The following MAGED1 variants were observed in gnomAD, a reference collection of about 807,000 sequenced individuals.
The protein encoded by MAGED1 is melanoma-associated antigen D1.
MAGED1 carries 3 observed loss-of-function variants against 54.1 expected under a neutral mutation model. The observed-to-expected ratio is 0.06, with a 90% CI of 0.03 to 0.14. The LOEUF (loss-of-function observed/expected upper bound fraction) is 0.14, where lower values mean the gene tolerates loss of function less well. Ranked by LOEUF, MAGED1 falls within the 10% of genes least tolerant of loss-of-function variation. MAGED1 has a pLI of 1.00. For synonymous variants in MAGED1, 217 were observed against 227.3 expected, an observed-to-expected ratio of 0.95 and a Z score of 0.41; for missense variants, 485 against 623.4, an observed-to-expected ratio of 0.78 and a Z score of 2.36.
intron 1 of MAGED1, among the ~76,000 whole-genome samples, chrX:51,865,896 G>T (rs1927444231): frequency 9.0e-6 from 1 of 111,025 alleles, no homozygotes; most frequent in Non-Finnish European, 1.9e-5. Context: ...AAAGTGTGTA[G>T]CACCTCCACC....
At chrX:51,846,697 A>G (rs1416002124) in intron 1 of MAGED1, among the ~76,000 whole-genome samples, 1 of 111,307 alleles carries the variant, frequency 9.0e-6, no homozygotes, top group African/African-American at 3.3e-5. Flanking sequence ...GGCATGTCTT[A>G]CGTGGCCGGA....
chrX:51,885,810 A>G (rs1928214590), intron 1 of MAGED1, among the ~76,000 whole-genome samples: 1 of 111,285 alleles, frequency 9.0e-6, no homozygotes, highest in Admixed American at 9.6e-5. Context: ...AATATATCAA[A>G]GAGATAACTG....
upstream of MAGED1, among the ~76,000 whole-genome samples, chrX:51,892,494 C>CTCAG (rs1557363588): frequency 8.9e-6 from 1 of 112,081 alleles, no homozygotes; most frequent in Admixed American, 9.4e-5. Flanking sequence ...ACCAGGAAGG[C>CTCAG]CTCAGGGACA....
chrX:51,868,776 G>A (rs1358846378), intron 1 of MAGED1, among the ~76,000 whole-genome samples: 2 of 111,209 alleles, frequency 1.8e-5, no homozygotes, highest in East Asian at 5.7e-4. Context: ...CAGGTGTAAT[G>A]TCATTATGGA....
chrX:51,894,969 C>T, intron 2 of MAGED1, 84 bp from the exon 3 acceptor site: 3 of 937,609 alleles, frequency 3.2e-6, no homozygotes, highest in Non-Finnish European at 2.9e-6. Flanking sequence ...TCCGCTGCTG[C>T]GCTGCCACCC....
chrX:51,896,766 C>A lies in MAGED1; in HGVS notation c.1111C>A (p.Pro371Thr), dbSNP rs1928769511. 8 of 1,211,451 alleles carry A rather than the reference C, an allele frequency of 6.6e-6. No individual in the cohort carries two copies. The East Asian group carries it at 1.8e-4, about 27-fold the overall frequency. Reference sequence around the variant, plus strand: ...GCCCGGCCCTGTTGTCTGGCCGAATCCACTGGCCTGGCAGAATCCACCTGG... The same window carrying A: ...GCCCGGCCCTGTTGTCTGGCCGAATACACTGGCCTGGCAGAATCCACCTGG... ...VWPGPVVWPN[P>T]LAWQNPPGWQ... The change falls in exon 4 of 13, where the codon CCA (proline) becomes ACA (threonine). Residue 371 changes from proline to threonine, a missense_variant. Physicochemically the swap from Pro to Thr is conservative, Grantham distance 38. This residue lies in a region of MAGED1 where 299 missense variants were observed against 293.1 expected (regional missense o/e 1.02). Transcript: ENST00000326587.
intron 1 of MAGED1, among the ~76,000 whole-genome samples, chrX:51,817,490 A>G (rs1312471978): frequency 8.9e-6 from 1 of 111,954 alleles, no homozygotes; most frequent in Non-Finnish European, 1.9e-5. Flanking sequence ...AATGTGTTCT[A>G]TTCACTGCCT....
intron 1 of MAGED1, among the ~76,000 whole-genome samples, chrX:51,818,142 A>G (rs1231264695): frequency 7.1e-5 from 8 of 111,970 alleles, no homozygotes; most frequent in African/African-American, 2.6e-4. Flanking sequence ...TGGAACATCC[A>G]TCATTGCCAT....
chrX:51,868,159 T>C (rs1194984777), intron 1 of MAGED1, among the ~76,000 whole-genome samples: 1 of 112,279 alleles, frequency 8.9e-6, no homozygotes, highest in Non-Finnish European at 1.9e-5. Flanking sequence ...TAGAGCATGG[T>C]ATATTTCTCC....
chrX:51,846,315 GAT>G (rs1926686541), intron 1 of MAGED1, among the ~76,000 whole-genome samples: 1 of 111,661 alleles, frequency 9.0e-6, no homozygotes, highest in Non-Finnish European at 1.9e-5. Flanking sequence ...AGAAAGGGAA[GAT>G]ACAAGGTTGG....
chrX:51,830,556 A>G (rs1219998133), intron 1 of MAGED1, among the ~76,000 whole-genome samples: 1 of 104,247 alleles, frequency 9.6e-6, no homozygotes, highest in African/African-American at 3.5e-5. Context: ...AGGAAAGAGG[A>G]AAAAAAAAAA....
intron 1 of MAGED1, among the ~76,000 whole-genome samples, chrX:51,861,105 G>C (rs1393273904): frequency 9.0e-6 from 1 of 111,245 alleles, no homozygotes; most frequent in African/African-American, 3.3e-5. Context: ...CAGTGGGGCG[G>C]GGCTTCAGTT....
At chrX:51,852,277 A>G (rs1163741150) in intron 1 of MAGED1, among the ~76,000 whole-genome samples, 1 of 111,577 alleles carries the variant, frequency 9.0e-6, no homozygotes, top group Admixed American at 9.5e-5. Context: ...CACTGGGCTC[A>G]CCAAGATAAT....
At chrX:51,887,041 ACAAG>A (rs1487001004) in intron 1 of MAGED1, among the ~76,000 whole-genome samples, 1 of 107,676 alleles carries the variant, frequency 9.3e-6, no homozygotes, top group Non-Finnish European at 1.9e-5. Context: ...CAGCAACAGA[ACAAG>A]GCCCTGTCTC....
chrX:51,812,076 T>C (rs1044504936), intron 1 of MAGED1, among the ~76,000 whole-genome samples: 6 of 109,839 alleles, frequency 5.5e-5, no homozygotes, highest in Non-Finnish European at 7.6e-5. Flanking sequence ...AGTAGAGACA[T>C]AGAGGAAGGA....
At position 51,901,867 on chromosome X, in the gene MAGED1, T is replaced by C; in HGVS notation, c.2274T>C (p.Gly758=). 8.3e-7 allele frequency: 1 copy of C among 1,210,899 alleles called. No homozygotes were observed. Among genetic ancestry groups the C allele is most frequent in the Non-Finnish European group, 1.1e-6 (1 of 895,197 alleles). Residue 758 remains glycine, a synonymous_variant, in exon 12 of 13, where the codon GGT becomes GGC. Transcript: ENST00000326587. ...QTFAGPIIGP[G]GTASANFAAN... ...TTGCCGGTCCCATTATTGGTCCTGG[T>C]GGTACAGCCAGTGCCAACTTCGCTG...
At chrX:51,886,592 C>G (rs1420514006) in intron 1 of MAGED1, among the ~76,000 whole-genome samples, 2 of 108,156 alleles carry the variant, frequency 1.8e-5, no homozygotes, top group African/African-American at 6.7e-5. Context: ...ATAAAACTCA[C>G]TATTTCCAGA....
chrX:51,838,974 CAAAT>C (rs1391556935), intron 1 of MAGED1, among the ~76,000 whole-genome samples: 19 of 110,959 alleles, frequency 1.7e-4, no homozygotes, highest in Non-Finnish European at 7.6e-5. Flanking sequence ...TTTTAAAAGA[CAAAT>C]AGCATCACAG....
chrX:51,864,420 A>T (rs966712879), intron 1 of MAGED1, among the ~76,000 whole-genome samples: 4 of 111,187 alleles, frequency 3.6e-5, no homozygotes, highest in African/African-American at 1.3e-4. Context: ...TGTTGTTTTG[A>T]TTACTATAGC....
Sources: gnomAD v4.1 joint callset for allele counts (sites outside exome capture counted in the v4.1 genomes callset) on GRCh38, gnomAD v4.1.1 for gene constraint, gnomAD v4.1.1 regional missense constraint, MANE v1.5 for transcripts, NCBI Gene and HGNC (gene_info 2026-07-23, HGNC 2026-07-21) for gene names.